The following GPAM variants were observed in gnomAD, a reference collection of about 807,000 sequenced individuals.
GPAM encodes the protein glycerol-3-phosphate acyltransferase, mitochondrial.
Under a neutral mutation model 105.0 loss-of-function variants are expected in GPAM, and 56 were observed. That is an observed-to-expected ratio of 0.53 (90% CI 0.43 to 0.67). The LOEUF (loss-of-function observed/expected upper bound fraction) is 0.67, where lower values mean the gene tolerates loss of function less well. GPAM is among the 30% of genes least tolerant of loss of function. The pLI, the probability that GPAM is intolerant of heterozygous loss-of-function variation, is 0.00. For synonymous variants in GPAM, 368 were observed against 354.4 expected (o/e 1.04, Z -0.43); for missense variants, 855 against 989.8 (o/e 0.86, Z 1.83).
At chr10:112,223,926 A>G in the GPAM span, among the ~76,000 whole-genome samples, 1 of 152,306 alleles carries the variant, frequency 6.6e-6, no homozygotes, top group African/African-American at 2.4e-5. Flanking sequence ...AAAAGATAAC[A>G]GGCATCACAG....
chr10:112,218,236 G>A (rs1847990097), upstream of GPAM, among the ~76,000 whole-genome samples: 1 of 152,180 alleles, frequency 6.6e-6, no homozygotes, highest in Non-Finnish European at 1.5e-5. Flanking sequence ...GATGGGGTAG[G>A]ACTGGCTGAG....
At chr10:112,196,290 A>G (rs1847723258) in intron 1 of GPAM, among the ~76,000 whole-genome samples, 1 of 152,254 alleles carries the variant, frequency 6.6e-6, no homozygotes, top group South Asian at 2.1e-4. Flanking sequence ...AATGAGTTCA[A>G]AGTAAGGTAG....
chr10:112,158,986 C>T (rs1847070792), intron 17 of GPAM, among the ~76,000 whole-genome samples: 1 of 152,130 alleles, frequency 6.6e-6, no homozygotes, highest in Admixed American at 6.5e-5. Context: ...CACATGCACT[C>T]ATCTCGTCAA....
chr10:112,199,563 T>C (rs1847768124), intron 1 of GPAM, among the ~76,000 whole-genome samples: 1 of 152,208 alleles, frequency 6.6e-6, no homozygotes, highest in African/African-American at 2.4e-5. Context: ...AAATTAAGTA[T>C]GTGAGGTGGT....
At chr10:112,199,502 G>A (rs1038127506) in intron 1 of GPAM, among the ~76,000 whole-genome samples, 1 of 152,156 alleles carries the variant, frequency 6.6e-6, no homozygotes, top group Non-Finnish European at 1.5e-5. Flanking sequence ...TAATAATAAT[G>A]TATACTTGCA....
At chr10:112,199,230 A>G (rs764247555) in intron 1 of GPAM, among the ~76,000 whole-genome samples, 1 of 152,154 alleles carries the variant, frequency 6.6e-6, no homozygotes, top group Admixed American at 6.5e-5. Flanking sequence ...TGCCAGAATT[A>G]CAGGCATAAG....
chr10:112,181,667 C>T lies in GPAM; in HGVS notation c.102+16G>A, dbSNP rs531019132. On this transcript the variant is annotated intron_variant, in intron 3 of 21. Transcript: ENST00000348367. ...ATTTTTAGGCTGAGTGCTTTTAACT[C>T]TTATCCTAAACTTACCCATTCCTCA... 30 of 1,422,624 alleles carry T rather than the reference C, an allele frequency of 2.1e-5. No homozygotes were observed. The highest frequency in any genetic ancestry group is 2.8e-5 in the Non-Finnish European group (28 of 1,005,250). The allele number at this position is 1,422,624 out of a possible 1,614,324, so 88.1% of individuals were successfully genotyped here.
In GPAM at chr10:112,152,683, T is replaced by C. The variant is rs111633881; in HGVS notation, c.*867A>G. The stretch of plus-strand genomic sequence containing the variant: ...TTGGAGGATTTCCAAGAAACAGCTG[T>C]ACCTGTGAGAGGCAGGTATTACCTG... On this transcript the variant is annotated 3_prime_UTR_variant, in exon 22 of 22. Coordinates refer to ENST00000348367, the MANE Select transcript of GPAM (RefSeq NM_001244949.2). The C allele has an allele frequency of 2.5e-5, 25 of 984,920 alleles. No individual in the cohort carries two copies. Among genetic ancestry groups the C allele is most frequent in the African/African-American group, 1.9e-4 (11 of 57,358 alleles). 61.0% of individuals were successfully genotyped at this position (984,920 alleles called of 1,614,324 possible). A position where few individuals can be genotyped will look rare whatever the true frequency, so the allele number is the denominator to read the frequency against.
intron 1 of GPAM, among the ~76,000 whole-genome samples, chr10:112,191,469 C>A (rs936870133): frequency 6.6e-5 from 10 of 152,202 alleles, no homozygotes; most frequent in Admixed American, 2.0e-4. Context: ...GGATAACTAG[C>A]AGAGCAGTGT....
At chr10:112,191,463 A>G (rs1847657765) in intron 1 of GPAM, among the ~76,000 whole-genome samples, 1 of 152,218 alleles carries the variant, frequency 6.6e-6, no homozygotes, top group African/African-American at 2.4e-5. Context: ...TGCATGGGAT[A>G]ACTAGCAGAG....
chr10:112,155,049 C>T (rs1057033089), intron 20 of GPAM: 98 of 328,462 alleles, frequency 3.0e-4, no homozygotes, highest in Admixed American at 8.9e-5. Context: ...CTTTAAGCTA[C>T]CCAGTGGTAC....
chr10:112,200,516 T>C (rs535132953), intron 1 of GPAM, among the ~76,000 whole-genome samples: 36 of 152,040 alleles, frequency 2.4e-4, no homozygotes, highest in Non-Finnish European at 3.5e-4. Context: ...GGTCTCGAAC[T>C]CCTGGGCTCA....
intron 6 of GPAM, 26 bp from the exon 7 acceptor site, chr10:112,173,871 A>G (rs377394366): frequency 3.7e-5 from 59 of 1,590,294 alleles, no homozygotes; most frequent in Non-Finnish European, 4.8e-5. Context: ...AAAAAGAGAC[A>G]ATGTAATTGT....
At chr10:112,219,359 T>C (rs1486798621), upstream of GPAM, among the ~76,000 whole-genome samples, 1 of 152,152 alleles carries the variant, frequency 6.6e-6, no homozygotes, top group African/African-American at 2.4e-5. Flanking sequence ...CAAAGTGCTT[T>C]CACCTGGGAG....
At chr10:112,224,967 T>C in the GPAM span, among the ~76,000 whole-genome samples, 1 of 152,146 alleles carries the variant, frequency 6.6e-6, no homozygotes, top group Non-Finnish European at 1.5e-5. Context: ...TTCCACAGAA[T>C]GCATATAGCC....
chr10:112,167,727 G>C (rs927425095), intron 11 of GPAM, among the ~76,000 whole-genome samples: 1 of 152,210 alleles, frequency 6.6e-6, no homozygotes, highest in Non-Finnish European at 1.5e-5. Flanking sequence ...GAAGCACAAG[G>C]AGGGTTTCAA....
At chr10:112,214,157 G>A (rs1450820634) in intron 1 of GPAM, among the ~76,000 whole-genome samples, 2 of 152,100 alleles carry the variant, frequency 1.3e-5, no homozygotes, top group African/African-American at 4.8e-5. Context: ...AACAAAGCAG[G>A]GACGATCTGG....
chr10:112,150,633 G>C lies in GPAM; in HGVS notation c.*2917C>G. 5 of 918,578 alleles carry C rather than the reference G, an allele frequency of 5.4e-6. No homozygotes were observed. Among genetic ancestry groups the C allele is most frequent in the Non-Finnish European group, 5.2e-6 (4 of 768,996 alleles). 56.9% of individuals were successfully genotyped at this position (918,578 alleles called of 1,614,324 possible). On this transcript the variant is annotated 3_prime_UTR_variant, in exon 22 of 22. Transcript: ENST00000348367. ...AGAGGTTCATAAGTATCCCAAAGGA[G>C]AAAAAGGTCCTGGTGTCAAAATAGT...
At chr10:112,224,348 A>G in the GPAM span, among the ~76,000 whole-genome samples, 2 of 152,198 alleles carry the variant, frequency 1.3e-5, no homozygotes, top group African/African-American at 2.4e-5. Context: ...CTGTTTTCCC[A>G]TCTCCTGGAA....
Sources: allele counts gnomAD v4.1 joint callset (sites outside exome capture counted in the v4.1 genomes callset), GRCh38; gene constraint gnomAD v4.1.1; transcripts MANE v1.5; gene names NCBI Gene and HGNC (gene_info 2026-07-23, HGNC 2026-07-21).